Variants in PIK3CD observed in about 807,000 individuals in gnomAD.
PIK3CD encodes phosphatidylinositol-4,5-bisphosphate 3-kinase catalytic subunit delta.
In PIK3CD, 20 loss-of-function variants were observed where a neutral mutation model predicts 122.9. The observed-to-expected ratio is 0.16, with a 90% CI of 0.11 to 0.24. The LOEUF (loss-of-function observed/expected upper bound fraction) is 0.24. Among genes scored for constraint, PIK3CD ranks in the 10% least tolerant of loss-of-function variants. The probability of loss-of-function intolerance (pLI) is 1.00; values close to 1 mark genes in which losing one functional copy is unlikely to be tolerated. For missense variants in PIK3CD, 787 were observed against 1,406.3 expected (o/e 0.56, Z 7.04); for synonymous variants, 596 against 593.4 (o/e 1.00, Z -0.06).
chr1:9,639,981 A>G, the PIK3CD span, among the ~76,000 whole-genome samples: 2 of 151,752 alleles, frequency 1.3e-5, no homozygotes, highest in African/African-American at 2.4e-5. Flanking sequence ...AGTGTAGACA[A>G]TCCTCCTGCC....
chr1:9,715,234 C>T lies in PIK3CD; in HGVS notation c.142-307C>T, dbSNP rs1455242874. 6.6e-6 allele frequency among the ~76,000 whole-genome samples: 1 copy of T among 152,164 alleles called. No individual in the cohort carries two copies. The highest frequency in any genetic ancestry group is 1.5e-5 in the Non-Finnish European group (1 of 68,018). On this transcript the variant is annotated intron_variant, in intron 3 of 23. Transcript: ENST00000377346. This position sits in a 1 kb window ranked among gnomAD's most constrained non-coding sequence, Gnocchi z 4.1. Reference sequence around the variant, plus strand: ...ACAGTTAGCTGGGCTGCATGAAGGTCATGGCCCCCCGTCTCTGGAGTGACC... The same window carrying T: ...ACAGTTAGCTGGGCTGCATGAAGGTTATGGCCCCCCGTCTCTGGAGTGACC...
chr1:9,713,344 A>G (rs1031433296), intron 3 of PIK3CD, among the ~76,000 whole-genome samples: 1 of 152,188 alleles, frequency 6.6e-6, no homozygotes, highest in Non-Finnish European at 1.5e-5. Flanking sequence ...CCGTCTGTAA[A>G]ATAAACAAGC....
Position 9,715,783 on chromosome 1 carries a change from G to A in PIK3CD, c.370+14G>A, listed in dbSNP as rs1318029288. On this transcript the variant is annotated intron_variant, in intron 4 of 23. Transcript: ENST00000377346. The surrounding 1 kb of genome is among the most constrained non-coding windows in gnomAD (Gnocchi z 4.1). ...TCATCGGCAAAGGTAGCTCTGCCGA[G>A]TGGGCCGTGTGGCCGGGCTGGCCCT... 2 of 1,612,596 alleles carry A rather than the reference G, an allele frequency of 1.2e-6. No individual in the cohort carries two copies. Among genetic ancestry groups the A allele is most frequent in the Non-Finnish European group, 1.7e-6 (2 of 1,179,640 alleles).
chr1:9,633,166 CCTGATT>C, the PIK3CD span, among the ~76,000 whole-genome samples: 1 of 151,964 alleles, frequency 6.6e-6, no homozygotes, highest in Non-Finnish European at 1.5e-5. Flanking sequence ...TGATCAGCAA[CCTGATT>C]CTTGTTGGTG....
Position 9,729,012 on chromosome 1 carries a change from C to T in PIK3CD, c.*1966C>T, listed in dbSNP as rs1022156678. 2 of 152,200 alleles carry T rather than the reference C, an allele frequency of 1.3e-5. No homozygotes were observed. The highest frequency in any genetic ancestry group is 2.9e-5 in the Non-Finnish European group (2 of 68,044). The allele number at this position is 152,200 out of a possible 1,614,324, so 9.4% of individuals were successfully genotyped here. ...CCAAAACAGGAGAGAAGACAAACCC[C>T]GCTCCGGCTGGAGTTAGTTAGAACC... On this transcript the variant is annotated 3_prime_UTR_variant, in exon 24 of 24. Coordinates refer to ENST00000377346, the MANE Select transcript of PIK3CD (RefSeq NM_005026.5).
Position 9,717,528 on chromosome 1 carries a change from G to C in PIK3CD, c.931-9G>C, listed in dbSNP as rs28730669. 35,693 of 1,613,626 alleles carry C rather than the reference G, an allele frequency of 0.022. 497 individuals carry two copies. Among genetic ancestry groups the C allele is most frequent in the Non-Finnish European group, 0.026 (30,804 of 1,179,722 alleles). ...GCCGTGTTAACAGCCCTGCTTCCCC[G>C]GCCCCCAGCCTTCCTCTGTGTCCCT... On this transcript the variant is annotated splice_polypyrimidine_tract_variant and intron_variant, in intron 7 of 23. Coordinates refer to ENST00000377346, the MANE Select transcript of PIK3CD (RefSeq NM_005026.5). The surrounding 1 kb of genome is among the most constrained non-coding windows in gnomAD (Gnocchi z 5.4).
chr1:9,716,433 C>T lies in PIK3CD; in HGVS notation c.601-7C>T. 6.2e-7 allele frequency: 1 copy of T among 1,610,974 alleles called. No homozygotes were observed. The highest frequency in any genetic ancestry group is 8.5e-7 in the Non-Finnish European group (1 of 1,179,874). On this transcript the variant is annotated splice_polypyrimidine_tract_variant and splice_region_variant and intron_variant, in intron 5 of 23. Transcript: ENST00000377346. The stretch of plus-strand genomic sequence containing the variant: ...GGGCAGAGGACTGACCTCCCTCCTC[C>T]CCACAGGAGAGCTTCACCTTCCAGG...
chr1:9,723,009 G>A lies in PIK3CD; in HGVS notation c.2427-116G>A. The A allele has an allele frequency of 2.0e-6, 2 of 1,024,584 alleles. No individual in the cohort carries two copies. The highest frequency in any genetic ancestry group is 2.4e-5 in the East Asian group (1 of 42,110). 63.5% of individuals were successfully genotyped at this position (1,024,584 alleles called of 1,614,324 possible). On this transcript the variant is annotated intron_variant, in intron 19 of 23. Coordinates refer to ENST00000377346, the MANE Select transcript of PIK3CD (RefSeq NM_005026.5). This position sits in a 1 kb window ranked among gnomAD's most constrained non-coding sequence, Gnocchi z 4.9. ...CATCTCTCACCTGCTTTTTAGCAAT[G>A]TGGGCAGCAGCATCTTCTGTGGCTT...
In PIK3CD at chr1:9,656,310, A is replaced by G. The variant is rs533184038; in HGVS notation, c.-138+4508A>G. On this transcript the variant is annotated intron_variant, in intron 1 of 23. Coordinates refer to ENST00000377346, the MANE Select transcript of PIK3CD (RefSeq NM_005026.5). ...ATTTGCATTATATGCTTACCAACTG[A>G]CCATTCCAAATCCAAATATCTGACA... Among the ~76,000 whole-genome samples the G allele has an allele frequency of 8.3e-4, 127 of 152,290 alleles. No homozygotes were observed. In the Middle Eastern group the frequency reaches 0.01, roughly 12 times the overall value.
At position 9,722,697 on chromosome 1, in the gene PIK3CD, AC is replaced by A; in HGVS notation, c.2426+93del. The A allele has an allele frequency of 8.9e-7, 1 of 1,121,626 alleles. No individual in the cohort carries two copies. The highest frequency in any genetic ancestry group is 1.4e-6 in the Non-Finnish European group (1 of 740,286). 69.5% of individuals were successfully genotyped at this position (1,121,626 alleles called of 1,614,324 possible). A position where few individuals can be genotyped will look rare whatever the true frequency, so the allele number is the denominator to read the frequency against. On this transcript the variant is annotated intron_variant, in intron 19 of 23. Transcript: ENST00000377346. The surrounding 1 kb of genome is among the most constrained non-coding windows in gnomAD (Gnocchi z 7.6). Reference sequence around the variant, plus strand: ...AGGGGTCCTTGTTGAAGGTGGCATGACCATCTCAGCCGGGGAAAGGGCTTTC... The same window carrying A: ...AGGGGTCCTTGTTGAAGGTGGCATGACATCTCAGCCGGGGAAAGGGCTTTC...
At chr1:9,682,770 A>C (rs1212163009) in intron 1 of PIK3CD, among the ~76,000 whole-genome samples, 1 of 151,562 alleles carries the variant, frequency 6.6e-6, no homozygotes, top group African/African-American at 2.4e-5. Flanking sequence ...GGCTGGTCTC[A>C]AACTCCTGAC....
the PIK3CD span, among the ~76,000 whole-genome samples, chr1:9,635,332 T>C: frequency 1.3e-4 from 19 of 151,294 alleles, no homozygotes; most frequent in Middle Eastern, 3.4e-3. Context: ...ATTTTCTTTC[T>C]CATCTGTGTC....
In PIK3CD at chr1:9,724,776, C is replaced by T. The variant is rs763605461; in HGVS notation, c.2865-28C>T. 1 of 1,611,810 alleles carries T rather than the reference C, an allele frequency of 6.2e-7. No homozygotes were observed. Among genetic ancestry groups the T allele is most frequent in the African/African-American group, 1.3e-5 (1 of 74,984 alleles). Reference sequence around the variant, plus strand: ...GGCCTGTGGCTGGGAGTTCCCAGAGCCTCACTTCCTCTGTCCCCTACCTGC... The same window carrying T: ...GGCCTGTGGCTGGGAGTTCCCAGAGTCTCACTTCCTCTGTCCCCTACCTGC... On this transcript the variant is annotated intron_variant, in intron 22 of 23. Coordinates refer to ENST00000377346, the MANE Select transcript of PIK3CD (RefSeq NM_005026.5). This position sits in a 1 kb window ranked among gnomAD's most constrained non-coding sequence, Gnocchi z 7.3.
chr1:9,646,723 C>T, the PIK3CD span, among the ~76,000 whole-genome samples: 3 of 151,972 alleles, frequency 2.0e-5, no homozygotes, highest in South Asian at 4.1e-4. Context: ...GAGGCCGAGG[C>T]GGGCGGATCA....
the PIK3CD span, among the ~76,000 whole-genome samples, chr1:9,646,727 C>A: frequency 6.6e-6 from 1 of 151,742 alleles, no homozygotes; most frequent in Non-Finnish European, 1.5e-5. Flanking sequence ...CCGAGGCGGG[C>A]GGATCACCTG....
chr1:9,706,178 C>T lies in PIK3CD; in HGVS notation c.-32-4246C>T, dbSNP rs573765548. Among the ~76,000 whole-genome samples, 18 of 150,414 alleles carry T rather than the reference C, an allele frequency of 1.2e-4. 2 individuals carry two copies. The East Asian group carries it at 2.8e-3, about 23-fold the overall frequency. On this transcript the variant is annotated intron_variant, in intron 2 of 23. Transcript: ENST00000377346. ...CTGGGATTACAGGCATGAGCCACTGCGACCAGCCTTAAGTGTGTTTAGAAC... is the reference window on the plus strand; with the variant it reads ...CTGGGATTACAGGCATGAGCCACTGTGACCAGCCTTAAGTGTGTTTAGAAC...
Position 9,727,176 on chromosome 1 carries a change from T to TG in PIK3CD, c.*130_*131insG. On this transcript the variant is annotated 3_prime_UTR_variant, in exon 24 of 24. Coordinates refer to ENST00000377346, the MANE Select transcript of PIK3CD (RefSeq NM_005026.5). Reference sequence around the variant, plus strand: ...AAGAACCGACATGGCTGCCTTTTGTTTACACTGGTTATTTATTTATGACTT... The same window carrying TG: ...AAGAACCGACATGGCTGCCTTTTGTTGTACACTGGTTATTTATTTATGACTT... 2.0e-6 allele frequency: 2 copies of TG among 995,918 alleles called. No homozygotes were observed. The highest frequency in any genetic ancestry group is 1.6e-6 in the Non-Finnish European group (1 of 644,620). 61.7% of individuals were successfully genotyped at this position (995,918 alleles called of 1,614,324 possible).
At chr1:9,698,994 C>T (rs1400559551) in intron 2 of PIK3CD, among the ~76,000 whole-genome samples, 1 of 152,016 alleles carries the variant, frequency 6.6e-6, no homozygotes, top group Non-Finnish European at 1.5e-5. Context: ...TTGAGACCAG[C>T]CTGGGCAACA....
Position 9,710,336 on chromosome 1 carries a change from A to G in PIK3CD, c.-32-88A>G, listed in dbSNP as rs745469927. ...TCACTCCTGAGCTTCCTGCTGTCCAAGGACCCCACTGTTTTCCAGGGAGTC... is the reference window on the plus strand; with the variant it reads ...TCACTCCTGAGCTTCCTGCTGTCCAGGGACCCCACTGTTTTCCAGGGAGTC... On this transcript the variant is annotated intron_variant, in intron 2 of 23. Transcript: ENST00000377346. The surrounding 1 kb of genome is among the most constrained non-coding windows in gnomAD (Gnocchi z 4.7). 140 of 1,076,046 alleles carry G rather than the reference A, an allele frequency of 1.3e-4. No individual in the cohort carries two copies. Among genetic ancestry groups the G allele is most frequent in the Non-Finnish European group, 1.8e-4 (126 of 698,012 alleles). 66.7% of individuals were successfully genotyped at this position (1,076,046 alleles called of 1,614,324 possible). A position where few individuals can be genotyped will look rare whatever the true frequency, so the allele number is the denominator to read the frequency against.
Sources: allele counts gnomAD v4.1 joint callset (sites outside exome capture counted in the v4.1 genomes callset), GRCh38; gene constraint gnomAD v4.1.1; non-coding constraint Gnocchi (gnomAD v3.1); transcripts MANE v1.5; gene names NCBI Gene and HGNC (gene_info 2026-07-23, HGNC 2026-07-21).